The following DIAPH2 variants were observed in gnomAD, a reference collection of about 807,000 sequenced individuals.
DIAPH2 encodes the protein protein diaphanous homolog 2.
Under a neutral mutation model 92.7 loss-of-function variants are expected in DIAPH2, and 35 were observed. The ratio of observed to expected loss-of-function variants is 0.38; its 90% CI spans 0.29 to 0.50. The LOEUF is 0.50. Ranked by LOEUF, DIAPH2 falls within the 20% of genes least tolerant of loss-of-function variation. DIAPH2 has a pLI of 0.94. For synonymous variants in DIAPH2, 301 were observed against 280.4 expected (o/e 1.07, Z -0.73); for missense variants, 701 against 819.5 (o/e 0.86, Z 1.77).
intron 5 of DIAPH2, among the ~76,000 whole-genome samples, chrX:96,893,377 CAAT>C (rs2065320398): frequency 9.0e-6 from 1 of 110,910 alleles, no homozygotes; most frequent in Non-Finnish European, 1.9e-5. Context: ...AAAAGTCTCT[CAAT>C]AAAAAGAGAG....
intron 17 of DIAPH2, among the ~76,000 whole-genome samples, chrX:97,010,505 G>T (rs1486370188): frequency 9.0e-6 from 1 of 111,713 alleles, no homozygotes; most frequent in East Asian, 2.8e-4. Context: ...GTTCAATTTG[G>T]TGTTCTTGTG....
At chrX:97,582,859 G>A (rs1258034724) in intron 26 of DIAPH2, among the ~76,000 whole-genome samples, 1 of 111,249 alleles carries the variant, frequency 9.0e-6, no homozygotes, top group African/African-American at 3.3e-5. Flanking sequence ...ATTTCTTGGA[G>A]GCTTTGCTCG....
chrX:97,283,110 A>G (rs1343502277), intron 23 of DIAPH2, among the ~76,000 whole-genome samples: 1 of 112,047 alleles, frequency 8.9e-6, no homozygotes, highest in Non-Finnish European at 1.9e-5. Context: ...GCATGTGGTC[A>G]TATAGCTAGT....
intron 19 of DIAPH2, among the ~76,000 whole-genome samples, chrX:97,095,271 C>A (rs1569299960): frequency 1.9e-5 from 2 of 104,942 alleles, no homozygotes; most frequent in East Asian, 3.0e-4. Flanking sequence ...TGCCCGCCAC[C>A]GTGCCTGGCT....
intron 21 of DIAPH2, among the ~76,000 whole-genome samples, chrX:97,123,401 C>T (rs2067070742): frequency 8.9e-6 from 1 of 112,146 alleles, no homozygotes; most frequent in Admixed American, 9.4e-5. Flanking sequence ...TTTTCAAAGG[C>T]AACCATTAAT....
intron 13 of DIAPH2, 124 bp downstream of exon 13, chrX:96,942,260 T>G: frequency 4.2e-6 from 2 of 474,468 alleles, no homozygotes; most frequent in Non-Finnish European, 7.4e-6. Flanking sequence ...TCATATCTGG[T>G]AAATCATTGT....
At chrX:97,597,187 A>G (rs746063536) in intron 26 of DIAPH2, among the ~76,000 whole-genome samples, 28 of 111,853 alleles carry the variant, frequency 2.5e-4, no homozygotes, top group African/African-American at 7.8e-4. Context: ...GTGGAGGCAA[A>G]GAAGGAAAGG....
intron 25 of DIAPH2, among the ~76,000 whole-genome samples, chrX:97,415,859 A>C (rs2069940179): frequency 9.0e-6 from 1 of 111,664 alleles, no homozygotes; most frequent in Non-Finnish European, 1.9e-5. Flanking sequence ...TAATTAAGAA[A>C]AAAAAATAGT....
Position 97,414,964 on chromosome X carries a change from A to G in DIAPH2, c.3146-14686A>G, listed in dbSNP as rs140864377. On this transcript the variant is annotated intron_variant, in intron 25 of 26. Coordinates refer to ENST00000324765, the MANE Select transcript of DIAPH2 (RefSeq NM_006729.5). The stretch of plus-strand genomic sequence containing the variant: ...ATTTTCACAATCTACCCATCTGACA[A>G]AGGGCTAACATCCAGAATCTACAAA... Among the ~76,000 whole-genome samples the G allele has an allele frequency of 3.0e-3, 338 of 112,089 alleles. 1 individual carries two copies. Among genetic ancestry groups the G allele is most frequent in the African/African-American group, 8.8e-3 (272 of 30,876 alleles).
chrX:97,278,031 A>G, intron 23 of DIAPH2, among the ~76,000 whole-genome samples: 2 of 111,689 alleles, frequency 1.8e-5, no homozygotes, highest in Middle Eastern at 9.2e-3. Flanking sequence ...TTTTTAGTAG[A>G]GACAGGGTTT....
At chrX:96,775,952 C>G (rs1364791930) in intron 4 of DIAPH2, among the ~76,000 whole-genome samples, 1 of 111,624 alleles carries the variant, frequency 9.0e-6, no homozygotes, top group Non-Finnish European at 1.9e-5. Flanking sequence ...ACAACTACTG[C>G]CACCTTTTAG....
chrX:97,451,376 A>T (rs1355218763), intron 26 of DIAPH2, among the ~76,000 whole-genome samples: 1 of 111,591 alleles, frequency 9.0e-6, no homozygotes, highest in African/African-American at 3.3e-5. Flanking sequence ...AGAAAATGTG[A>T]TATCCATTAC....
chrX:97,340,995 T>G (rs1481576243), intron 23 of DIAPH2: 1 of 104,633 alleles, frequency 9.6e-6, no homozygotes, highest in Non-Finnish European at 2.0e-5. Context: ...AGTTTTTTTT[T>G]TTTTTTTTTT....
At position 96,807,944 on chromosome X, in the gene DIAPH2, C is replaced by CAAAAAAAAAAAAAAAAAAAAA. The variant is rs541681495; in HGVS notation, c.447+49705_447+49725dup. Among the ~76,000 whole-genome samples the CAAAAAAAAAAAAAAAAAAAAA allele has an allele frequency of 2.8e-4, 4 of 14,490 alleles. 2 individuals carry two copies. Among genetic ancestry groups the CAAAAAAAAAAAAAAAAAAAAA allele is most frequent in the Non-Finnish European group, 4.8e-4 (4 of 8,260 alleles). The allele number at this position is 14,490 out of a possible 115,157, so 12.6% of individuals were successfully genotyped here. A position where few individuals can be genotyped will look rare whatever the true frequency, so the allele number is the denominator to read the frequency against. On this transcript the variant is annotated intron_variant, in intron 4 of 26. Coordinates refer to ENST00000324765, the MANE Select transcript of DIAPH2 (RefSeq NM_006729.5). The stretch of plus-strand genomic sequence containing the variant: ...GTGAGATTTGGTATTGTAGAAATAG[C>CAAAAAAAAAAAAAAAAAAAAA]AAAAAAAAAAAAAAAAAAAAAAAAA...
intron 22 of DIAPH2, among the ~76,000 whole-genome samples, chrX:97,223,845 A>G (rs1028827217): frequency 8.9e-6 from 1 of 111,812 alleles, no homozygotes; most frequent in Non-Finnish European, 1.9e-5. Flanking sequence ...GCAATTATGT[A>G]TTTCTGAGTT....
At chrX:97,391,139 G>T (rs762086518) in intron 25 of DIAPH2, among the ~76,000 whole-genome samples, 1 of 111,497 alleles carries the variant, frequency 9.0e-6, no homozygotes, top group Non-Finnish European at 1.9e-5. Context: ...ATGAAAAGAT[G>T]CAGGAAAGAA....
intron 23 of DIAPH2, among the ~76,000 whole-genome samples, chrX:97,286,744 G>A (rs1297403525): frequency 9.0e-6 from 1 of 111,268 alleles, no homozygotes; most frequent in Non-Finnish European, 1.9e-5. Context: ...AAAACTCTGA[G>A]ACTACAGAGA....
At chrX:97,273,415 C>G (rs981631991) in intron 23 of DIAPH2, among the ~76,000 whole-genome samples, 54 of 111,493 alleles carry the variant, frequency 4.8e-4, no homozygotes, top group African/African-American at 1.8e-3. Flanking sequence ...AACTACTGGC[C>G]AGTTCCTGTA....
intron 26 of DIAPH2, among the ~76,000 whole-genome samples, chrX:97,541,443 A>T (rs1397063962): frequency 8.9e-6 from 1 of 112,171 alleles, no homozygotes; most frequent in African/African-American, 3.2e-5. Flanking sequence ...CACAGAGGAA[A>T]GCAAACTTCC....
Sources: allele counts gnomAD v4.1 joint callset (sites outside exome capture counted in the v4.1 genomes callset), GRCh38; gene constraint gnomAD v4.1.1; transcripts MANE v1.5; gene names NCBI Gene and HGNC (gene_info 2026-07-23, HGNC 2026-07-21).